The following FOXP1 variants were observed in gnomAD, a reference collection of about 807,000 sequenced individuals.
FOXP1 encodes forkhead box protein P1.
FOXP1 carries 15 observed loss-of-function variants against 98.2 expected under a neutral mutation model. The observed-to-expected ratio is 0.15, with a 90% CI of 0.10 to 0.24. The LOEUF (loss-of-function observed/expected upper bound fraction) is 0.24. Among genes scored for constraint, FOXP1 ranks in the 10% least tolerant of loss-of-function variants. The pLI, the probability that FOXP1 is intolerant of heterozygous loss-of-function variation, is 1.00. For missense variants in FOXP1, 633 were observed against 848.5 expected (o/e 0.75, Z 3.15); for synonymous variants, 371 against 314.5 (o/e 1.18, Z -1.90).
rs75500590 is a variant in FOXP1, at chr3:71,124,143, A to T, written c.181-11506T>A. On this transcript the variant is annotated intron_variant, in intron 6 of 20. Transcript: ENST00000649528. ...ATAAAAGTTAAAGTTATATTTTTTTAAAAAAAAAATGATACAGAGGGACTC... is the reference window on the plus strand; with the variant it reads ...ATAAAAGTTAAAGTTATATTTTTTTTAAAAAAAAATGATACAGAGGGACTC... 5.3e-3 allele frequency among the ~76,000 whole-genome samples: 619 copies of T among 117,872 alleles called. 2 individuals are homozygous for T. The highest frequency in any genetic ancestry group is 0.026 in the East Asian group (88 of 3,354). The allele number at this position is 117,872 out of a possible 152,430, so 77.3% of individuals were successfully genotyped here.
chr3:71,109,472 C>T (rs959755344), intron 7 of FOXP1, among the ~76,000 whole-genome samples: 4 of 151,674 alleles, frequency 2.6e-5, no homozygotes, highest in Non-Finnish European at 5.9e-5. Context: ...ATCCTTCTTC[C>T]CTGTCAAGCC....
At chr3:71,101,678 C>CA (rs75384060) in intron 7 of FOXP1, among the ~76,000 whole-genome samples, 17,128 of 72,502 alleles carry the variant, frequency 0.24, 1,261 homozygotes, top group Admixed American at 0.3. Context: ...TGGGAAAAAG[C>CA]AAAAAAAAAA....
At chr3:71,410,592 T>C (rs1353185307) in intron 3 of FOXP1, among the ~76,000 whole-genome samples, 1 of 152,220 alleles carries the variant, frequency 6.6e-6, no homozygotes, top group Non-Finnish European at 1.5e-5. Context: ...ACACATTGTA[T>C]CAATGTTTCA....
chr3:71,283,684 A>C (rs937658789), intron 5 of FOXP1, among the ~76,000 whole-genome samples: 1 of 152,188 alleles, frequency 6.6e-6, no homozygotes, highest in Non-Finnish European at 1.5e-5. Flanking sequence ...CTCCCTATAC[A>C]ACACTGAGAT....
intron 7 of FOXP1, among the ~76,000 whole-genome samples, chr3:71,102,448 C>T (rs554148980): frequency 6.6e-6 from 1 of 152,292 alleles, no homozygotes; most frequent in African/African-American, 2.4e-5. Flanking sequence ...AAAACAGTTA[C>T]TAGGCATGAC....
chr3:71,057,836 G>C (rs1013623082), intron 7 of FOXP1, among the ~76,000 whole-genome samples: 4 of 152,110 alleles, frequency 2.6e-5, no homozygotes, highest in Non-Finnish European at 5.9e-5. Flanking sequence ...AGCTGTGCTT[G>C]GGCCATCACA....
intron 7 of FOXP1, among the ~76,000 whole-genome samples, chr3:71,071,842 C>A (rs1180313504): frequency 3.9e-5 from 6 of 152,168 alleles, no homozygotes; most frequent in Admixed American, 3.9e-4. Context: ...TCCCAAGGTG[C>A]TGGGATTACA....
intron 5 of FOXP1, among the ~76,000 whole-genome samples, chr3:71,278,556 G>A (rs1283000761): frequency 6.6e-6 from 1 of 152,116 alleles, no homozygotes; most frequent in Non-Finnish European, 1.5e-5. Flanking sequence ...GCTGAGGCAG[G>A]CAGATCACAA....
At chr3:71,483,379 A>C (rs951074585) in intron 3 of FOXP1, among the ~76,000 whole-genome samples, 16 of 152,182 alleles carry the variant, frequency 1.1e-4, no homozygotes, top group Admixed American at 6.5e-5. Flanking sequence ...CAAGTGAGCG[A>C]GCAGAAACAC....
At chr3:71,207,232 C>T (rs531721769) in intron 5 of FOXP1, among the ~76,000 whole-genome samples, 11 of 147,300 alleles carry the variant, frequency 7.5e-5, no homozygotes, top group African/African-American at 2.5e-4. Context: ...TGACCAACAA[C>T]CAGTTCAGAA....
intron 14 of FOXP1, among the ~76,000 whole-genome samples, chr3:70,980,239 C>T (rs894199816): frequency 6.6e-6 from 1 of 152,010 alleles, no homozygotes; most frequent in African/African-American, 2.4e-5. Flanking sequence ...TAATCACTGA[C>T]CAAGTCCAGG....
intron 12 of FOXP1, among the ~76,000 whole-genome samples, chr3:71,006,044 C>T (rs1322470665): frequency 6.6e-6 from 1 of 152,030 alleles, no homozygotes; most frequent in Non-Finnish European, 1.5e-5. Context: ...CAAATTTGAG[C>T]TGAGAGTCGT....
intron 5 of FOXP1, among the ~76,000 whole-genome samples, chr3:71,224,356 T>G (rs2065659332): frequency 1.3e-5 from 2 of 151,552 alleles, no homozygotes; most frequent in African/African-American, 4.9e-5. Flanking sequence ...GTAGATGGAG[T>G]TGGGGGTTGC....
chr3:71,126,653 G>A (rs758101605), intron 6 of FOXP1, among the ~76,000 whole-genome samples: 2 of 151,702 alleles, frequency 1.3e-5, no homozygotes, highest in Non-Finnish European at 2.9e-5. Context: ...GCAAAACTCC[G>A]TCTCTACTAA....
In FOXP1 at chr3:71,468,397, G is replaced by A. The variant is rs571387355; in HGVS notation, c.-168+25029C>T. Among the ~76,000 whole-genome samples, 3 of 152,278 alleles carry A rather than the reference G, an allele frequency of 2.0e-5. No individual in the cohort carries two copies. In the South Asian group the frequency reaches 6.2e-4, roughly 32 times the overall value. ...CTTGGTGTGACTGTCCTGTTCCAGA[G>A]TCGGGCTACCTTGAAAGACTCTTGC... On this transcript the variant is annotated intron_variant, in intron 3 of 20. Coordinates refer to ENST00000649528, the MANE Select transcript of FOXP1 (RefSeq NM_001349338.3).
chr3:71,143,907 T>C (rs1266777884), intron 6 of FOXP1, among the ~76,000 whole-genome samples: 1 of 152,204 alleles, frequency 6.6e-6, no homozygotes, highest in Non-Finnish European at 1.5e-5. Context: ...TAAGTAAATA[T>C]ATAAAAATAT....
At chr3:71,163,932 A>T (rs2061273685) in intron 6 of FOXP1, among the ~76,000 whole-genome samples, 1 of 152,146 alleles carries the variant, frequency 6.6e-6, no homozygotes, top group Non-Finnish European at 1.5e-5. Flanking sequence ...GAGAGTGTGG[A>T]GAAAGGGCTT....
In FOXP1 at chr3:71,141,374, C is replaced by T. The variant is rs573535038; in HGVS notation, c.181-28737G>A. On this transcript the variant is annotated intron_variant, in intron 6 of 20. Transcript: ENST00000649528. ...CAGTGACACTGCATGTTTTCAAGGA[C>T]GACACAAAAATCATTCTTCTTTGGC... Among the ~76,000 whole-genome samples, 259 of 151,908 alleles carry T rather than the reference C, an allele frequency of 1.7e-3. 1 individual carries two copies. Among genetic ancestry groups the T allele is most frequent in the Non-Finnish European group, 2.7e-3 (183 of 67,960 alleles).
chr3:71,456,017 T>G (rs1220202543), intron 3 of FOXP1, among the ~76,000 whole-genome samples: 2 of 152,174 alleles, frequency 1.3e-5, no homozygotes, highest in African/African-American at 4.8e-5. Flanking sequence ...GTAAAGTAAC[T>G]TGGATGGACA....
Sources: gnomAD v4.1 joint callset for allele counts (sites outside exome capture counted in the v4.1 genomes callset) on GRCh38, gnomAD v4.1.1 for gene constraint, MANE v1.5 for transcripts, NCBI Gene and HGNC (gene_info 2026-07-23, HGNC 2026-07-21) for gene names.